The following IGF2BP2 variants were observed in gnomAD, a reference collection of about 807,000 sequenced individuals.
IGF2BP2 encodes the protein insulin-like growth factor 2 mRNA-binding protein 2.
Under a neutral mutation model 75.8 loss-of-function variants are expected in IGF2BP2, and 17 were observed. That is an observed-to-expected ratio of 0.22 (90% CI 0.15 to 0.34). The LOEUF is 0.34. IGF2BP2 is among the 10% of genes least tolerant of loss of function. The pLI is 1.00. For synonymous variants in IGF2BP2, 288 were observed against 295.6 expected (o/e 0.97, Z 0.26); for missense variants, 516 against 772.4 (o/e 0.67, Z 3.93).
At chr3:185,810,911 T>G (rs1200419660) in intron 2 of IGF2BP2, among the ~76,000 whole-genome samples, 3 of 152,202 alleles carry the variant, frequency 2.0e-5, no homozygotes, top group Admixed American at 6.5e-5. Flanking sequence ...TTATCTATAG[T>G]TGGCTTAGTG....
chr3:185,677,068 T>TATATATATATAG, intron 7 of IGF2BP2, among the ~76,000 whole-genome samples: 19 of 35,862 alleles, frequency 5.3e-4, no homozygotes, highest in East Asian at 2.1e-3. Context: ...TATATATATA[T>TATATATATATAG]AGAGAGAGAG....
At chr3:185,812,480 A>G (rs908219817) in intron 2 of IGF2BP2, among the ~76,000 whole-genome samples, 3 of 152,236 alleles carry the variant, frequency 2.0e-5, no homozygotes, top group Non-Finnish European at 4.4e-5. Flanking sequence ...TACCAAAATG[A>G]AAGTGACAGG....
At chr3:185,812,464 A>G (rs776166502) in intron 2 of IGF2BP2, among the ~76,000 whole-genome samples, 4 of 152,238 alleles carry the variant, frequency 2.6e-5, no homozygotes, top group Non-Finnish European at 5.9e-5. Flanking sequence ...CAAAGCAGAT[A>G]CTTGTTACCA....
At chr3:185,742,093 T>C (rs1729628387) in intron 2 of IGF2BP2, among the ~76,000 whole-genome samples, 1 of 151,436 alleles carries the variant, frequency 6.6e-6, no homozygotes, top group Admixed American at 6.6e-5. Flanking sequence ...AAAATGTGCA[T>C]ATATTAAGAA....
At chr3:185,818,964 C>G (rs1041389831) in intron 2 of IGF2BP2, among the ~76,000 whole-genome samples, 66 of 151,902 alleles carry the variant, frequency 4.3e-4, no homozygotes, top group Admixed American at 9.8e-4. Context: ...TTCTGATATG[C>G]AATTTGTTCT....
chr3:185,652,700 G>A (rs1714804242), intron 12 of IGF2BP2, among the ~76,000 whole-genome samples: 1 of 152,214 alleles, frequency 6.6e-6, no homozygotes, highest in Non-Finnish European at 1.5e-5. Context: ...CGGCAAGTGG[G>A]TCATAAGTAA....
intron 2 of IGF2BP2, among the ~76,000 whole-genome samples, chr3:185,726,087 G>A (rs1420685737): frequency 6.6e-6 from 1 of 152,182 alleles, no homozygotes; most frequent in Admixed American, 6.5e-5. Flanking sequence ...ACAGGTGAGC[G>A]GGACCAGGGT....
chr3:185,700,572 G>A (rs543059325), intron 2 of IGF2BP2, among the ~76,000 whole-genome samples: 1 of 152,288 alleles, frequency 6.6e-6, no homozygotes, highest in Admixed American at 6.5e-5. Flanking sequence ...CTCTATGGAA[G>A]ATGTCACCAA....
intron 2 of IGF2BP2, among the ~76,000 whole-genome samples, chr3:185,807,372 T>C (rs937206111): frequency 6.6e-6 from 1 of 152,242 alleles, no homozygotes; most frequent in African/African-American, 2.4e-5. Flanking sequence ...GGGATAACAG[T>C]ATCTTCCTTC....
chr3:185,649,544 C>T lies in IGF2BP2; in HGVS notation c.1462-10G>A. The T allele has an allele frequency of 6.2e-7, 1 of 1,613,832 alleles. No individual in the cohort carries two copies. The highest frequency in any genetic ancestry group is 8.5e-7 in the Non-Finnish European group (1 of 1,179,824). ...AGATCCGTCCCTGGGCCTGAGAGAG[C>T]AAGACATGACTAATGACTCTCAGTC... On this transcript the variant is annotated splice_polypyrimidine_tract_variant and intron_variant, in intron 13 of 15. Coordinates refer to ENST00000382199, the MANE Select transcript of IGF2BP2 (RefSeq NM_006548.6).
At chr3:185,794,046 C>A (rs1346361225) in intron 2 of IGF2BP2, among the ~76,000 whole-genome samples, 22 of 151,500 alleles carry the variant, frequency 1.5e-4, no homozygotes, top group Admixed American at 1.4e-3. Context: ...CAGTCTCAAC[C>A]TCCTGGGCTC....
chr3:185,819,882 T>C (rs1741099392), intron 2 of IGF2BP2, among the ~76,000 whole-genome samples: 1 of 152,042 alleles, frequency 6.6e-6, no homozygotes, highest in Admixed American at 6.6e-5. Flanking sequence ...AATTCAACCA[T>C]ACACAATGTA....
chr3:185,771,202 G>A (rs185124101), intron 2 of IGF2BP2, among the ~76,000 whole-genome samples: 12 of 152,314 alleles, frequency 7.9e-5, no homozygotes, highest in Non-Finnish European at 1.3e-4. Flanking sequence ...CACTTTGGGA[G>A]GGCGAGTTGG....
intron 2 of IGF2BP2, chr3:185,713,477 T>C: frequency 1.9e-6 from 1 of 519,832 alleles, no homozygotes. Flanking sequence ...GATCCAATGG[T>C]CAAGGTAACA....
chr3:185,647,216 C>A lies in IGF2BP2; in HGVS notation c.1594-78G>T, dbSNP rs953901921. The A allele has an allele frequency of 6.9e-6, 7 of 1,013,956 alleles. No homozygotes were observed. In the African/African-American group the frequency reaches 9.5e-5, roughly 14 times the overall value. The allele number at this position is 1,013,956 out of a possible 1,614,324, so 62.8% of individuals were successfully genotyped here. On this transcript the variant is annotated intron_variant, in intron 14 of 15. Coordinates refer to ENST00000382199, the MANE Select transcript of IGF2BP2 (RefSeq NM_006548.6). This position sits in a 1 kb window ranked among gnomAD's most constrained non-coding sequence, Gnocchi z 4.9. The stretch of plus-strand genomic sequence containing the variant: ...GGTGGGCTCAGGACGGAGTGAGGGG[C>A]CAAGAGGTGGAGCAGGGGAAGGAGG...
chr3:185,665,821 G>C (rs191653974), intron 10 of IGF2BP2, among the ~76,000 whole-genome samples: 157 of 152,226 alleles, frequency 1.0e-3, no homozygotes, highest in African/African-American at 3.1e-3. Context: ...AGAAAAATTA[G>C]CCAGGTGTGG....
In IGF2BP2 at chr3:185,727,382, C is replaced by G. The variant is rs573984931; in HGVS notation, c.240-29035G>C. Among the ~76,000 whole-genome samples, 391 of 152,218 alleles carry G rather than the reference C, an allele frequency of 2.6e-3. 1 individual carries two copies. The highest frequency in any genetic ancestry group is 9.3e-3 in the African/African-American group (386 of 41,530). On this transcript the variant is annotated intron_variant, in intron 2 of 15. Transcript: ENST00000382199. ...AGAGCGGGCTATGCACCAGCCTTAG[C>G]CTCCTCACTTGGGGCAGACACAGCA...
chr3:185,658,547 CCT>C (rs1715853669), intron 10 of IGF2BP2, 138 bp from the exon 11 acceptor site: 2 of 644,472 alleles, frequency 3.1e-6, no homozygotes, highest in African/African-American at 1.8e-5. Context: ...CACGCCTGTC[CCT>C]CTGTGTCTCA....
intron 2 of IGF2BP2, among the ~76,000 whole-genome samples, chr3:185,815,467 G>T (rs183579384): frequency 6.6e-6 from 1 of 152,290 alleles, no homozygotes. Context: ...TGAAGTTCTG[G>T]TCAGGAGCAA....
Sources: gnomAD v4.1 joint callset for allele counts (sites outside exome capture counted in the v4.1 genomes callset) on GRCh38, gnomAD v4.1.1 for gene constraint, Gnocchi (gnomAD v3.1) non-coding constraint, MANE v1.5 for transcripts, NCBI Gene and HGNC (gene_info 2026-07-23, HGNC 2026-07-21) for gene names.